The following SCHIP1 variants were observed in gnomAD, a reference collection of about 807,000 sequenced individuals.
SCHIP1 encodes the protein schwannomin interacting protein 1.
In SCHIP1, 8 loss-of-function variants were observed where a neutral mutation model predicts 29.7. The ratio of observed to expected loss-of-function variants is 0.27; its 90% CI spans 0.16 to 0.49. SCHIP1 has a LOEUF of 0.49. Ranked by LOEUF, SCHIP1 falls within the 20% of genes least tolerant of loss-of-function variation. The pLI is 0.99. For missense variants in SCHIP1, 193 were observed against 294.6 expected (o/e 0.66, Z 2.52); for synonymous variants, 76 against 94.9 (o/e 0.80, Z 1.16).
At chr3:159,792,247 A>G in the SCHIP1 span, among the ~76,000 whole-genome samples, 2 of 152,118 alleles carry the variant, frequency 1.3e-5, no homozygotes, top group Admixed American at 1.3e-4. Context: ...TGTGCCTCAA[A>G]GGTATGGAGG....
the SCHIP1 span, among the ~76,000 whole-genome samples, chr3:159,380,658 G>C: frequency 6.6e-5 from 10 of 152,152 alleles, no homozygotes; most frequent in Middle Eastern, 3.4e-3. Flanking sequence ...CCTGCCAAGT[G>C]CCAGGCTTTA....
the SCHIP1 span, among the ~76,000 whole-genome samples, chr3:159,738,088 T>G: frequency 6.6e-6 from 1 of 152,200 alleles, no homozygotes; most frequent in Non-Finnish European, 1.5e-5. Context: ...TTTGAGAAGG[T>G]GTAATAAACT....
At chr3:159,895,108 A>T (rs1000316373) in intron 6 of SCHIP1, among the ~76,000 whole-genome samples, 19 of 152,334 alleles carry the variant, frequency 1.2e-4, no homozygotes, top group African/African-American at 4.6e-4. Context: ...GAGGCATATG[A>T]GTTAGTCACG....
the SCHIP1 span, among the ~76,000 whole-genome samples, chr3:159,291,547 T>G: frequency 0.33 from 49,909 of 151,928 alleles, 9,066 homozygotes; most frequent in Non-Finnish European, 0.42. Flanking sequence ...CATGAATGGA[T>G]GAAGCCACAA....
At chr3:159,753,545 G>A in the SCHIP1 span, among the ~76,000 whole-genome samples, 8,250 of 152,032 alleles carry the variant, frequency 0.054, 296 homozygotes, top group Non-Finnish European at 0.073. Flanking sequence ...AATATCTTTA[G>A]TATTTCTATT....
chr3:159,826,196 C>T, the SCHIP1 span, among the ~76,000 whole-genome samples: 1 of 152,108 alleles, frequency 6.6e-6, no homozygotes, highest in African/African-American at 2.4e-5. Context: ...AGGGCAAGCC[C>T]TTAATTTTTT....
At chr3:159,434,684 C>T in the SCHIP1 span, among the ~76,000 whole-genome samples, 2 of 152,152 alleles carry the variant, frequency 1.3e-5, no homozygotes, top group African/African-American at 2.4e-5. Context: ...TTTAGATCAT[C>T]TAAGATGGGA....
chr3:159,485,929 C>T, the SCHIP1 span, among the ~76,000 whole-genome samples: 11 of 152,282 alleles, frequency 7.2e-5, no homozygotes, highest in East Asian at 1.2e-3. Flanking sequence ...CCACTTACAA[C>T]CTGCAAAAAT....
At chr3:159,428,388 C>T in the SCHIP1 span, among the ~76,000 whole-genome samples, 1 of 151,618 alleles carries the variant, frequency 6.6e-6, no homozygotes, top group South Asian at 2.1e-4. Context: ...GGGCAAAGGA[C>T]ATGAACAGAC....
chr3:159,550,409 A>T, the SCHIP1 span, among the ~76,000 whole-genome samples: 1 of 151,968 alleles, frequency 6.6e-6, no homozygotes, highest in Non-Finnish European at 1.5e-5. Flanking sequence ...ATGTTATTAG[A>T]TTTAATTGTT....
chr3:159,619,615 G>A, the SCHIP1 span, among the ~76,000 whole-genome samples: 4 of 152,212 alleles, frequency 2.6e-5, no homozygotes, highest in Non-Finnish European at 5.9e-5. Context: ...AACAAAGGCT[G>A]CAGATTGTTT....
chr3:159,273,318 G>A, the SCHIP1 span: 5 of 985,986 alleles, frequency 5.1e-6, no homozygotes, highest in African/African-American at 1.7e-5. Context: ...AGGCTGGGGC[G>A]AGAATGAGGC....
chr3:159,593,982 C>T, the SCHIP1 span, among the ~76,000 whole-genome samples: 1 of 152,232 alleles, frequency 6.6e-6, no homozygotes, highest in Non-Finnish European at 1.5e-5. Flanking sequence ...CCCTCACCTG[C>T]ACAGAGTAGA....
the SCHIP1 span, among the ~76,000 whole-genome samples, chr3:159,304,408 G>C: frequency 1.3e-5 from 2 of 152,240 alleles, no homozygotes; most frequent in African/African-American, 4.8e-5. Context: ...CCTGGGTATA[G>C]TCCATAATTT....
the SCHIP1 span, among the ~76,000 whole-genome samples, chr3:159,816,469 C>T: frequency 6.7e-6 from 1 of 149,910 alleles, no homozygotes; most frequent in South Asian, 2.1e-4. Flanking sequence ...AGATGGGGGT[C>T]TTGCTTTGTT....
chr3:159,283,583 C>T, the SCHIP1 span, among the ~76,000 whole-genome samples: 2 of 151,936 alleles, frequency 1.3e-5, no homozygotes, highest in Admixed American at 6.6e-5. Flanking sequence ...GCGATCTTGG[C>T]GTGAGCCACC....
the SCHIP1 span, among the ~76,000 whole-genome samples, chr3:159,618,550 A>G: frequency 6.6e-6 from 1 of 152,226 alleles, no homozygotes; most frequent in East Asian, 1.9e-4. Context: ...CAAAGTGTTC[A>G]ACTATGATGA....
the SCHIP1 span, among the ~76,000 whole-genome samples, chr3:159,326,976 A>G: frequency 1.3e-5 from 2 of 152,206 alleles, no homozygotes; most frequent in South Asian, 4.1e-4. Context: ...ACTTTTAAAA[A>G]CTGGCAATAG....
At chr3:159,764,209 C>T in the SCHIP1 span, 3 of 481,394 alleles carry the variant, frequency 6.2e-6, no homozygotes, top group Non-Finnish European at 1.1e-5. This position sits in a 1 kb window ranked among gnomAD's most constrained non-coding sequence, Gnocchi z 6.1. Context: ...CTGGGCACCC[C>T]TTTGCTAATT....
Sources: allele counts gnomAD v4.1 joint callset (sites outside exome capture counted in the v4.1 genomes callset), GRCh38; gene constraint gnomAD v4.1.1; non-coding constraint Gnocchi (gnomAD v3.1); transcripts MANE v1.5; gene names NCBI Gene and HGNC (gene_info 2026-07-23, HGNC 2026-07-21).